The following L2HGDH variants were observed in gnomAD, a reference collection of about 807,000 sequenced individuals.
The protein encoded by L2HGDH is L-2-hydroxyglutarate dehydrogenase, mitochondrial.
L2HGDH carries 34 observed loss-of-function variants against 51.5 expected under a neutral mutation model. The ratio of observed to expected loss-of-function variants is 0.66; its 90% CI spans 0.50 to 0.88. The LOEUF is 0.88. Ranked by LOEUF, L2HGDH falls within the 40% of genes least tolerant of loss-of-function variation. The probability of loss-of-function intolerance (pLI) is 0.00; values close to 1 mark genes in which losing one functional copy is unlikely to be tolerated. For synonymous variants in L2HGDH, 198 were observed against 197.9 expected, an observed-to-expected ratio of 1.00 and a Z score of -0.01; for missense variants, 558 against 571.9, an observed-to-expected ratio of 0.98 and a Z score of 0.25.
intron 8 of L2HGDH, 65 bp downstream of exon 8, chr14:50,267,688 A>C (rs1889423114): frequency 1.0e-5 from 13 of 1,272,688 alleles, no homozygotes; most frequent in Non-Finnish European, 1.1e-6. Flanking sequence ...GTATCAAGAA[A>C]GACAAAACTT....
intron 9 of L2HGDH, among the ~76,000 whole-genome samples, chr14:50,260,299 A>T (rs954703514): frequency 2.6e-5 from 4 of 152,160 alleles, no homozygotes; most frequent in Non-Finnish European, 5.9e-5. Context: ...TCTGAGTTCC[A>T]ACTTTCTACC....
At chr14:50,270,639 C>T (rs1334649600) in intron 6 of L2HGDH, among the ~76,000 whole-genome samples, 6 of 152,114 alleles carry the variant, frequency 3.9e-5, no homozygotes, top group African/African-American at 1.2e-4. Flanking sequence ...TCCGAGTAGC[C>T]GGAACTACAG....
intron 9 of L2HGDH, among the ~76,000 whole-genome samples, chr14:50,252,015 T>C (rs996956863): frequency 1.3e-5 from 2 of 151,036 alleles, no homozygotes; most frequent in African/African-American, 2.4e-5. Flanking sequence ...TCATCTTACA[T>C]AGAAAGATTA....
In L2HGDH at chr14:50,247,034, T is replaced by C; in HGVS notation, c.*24A>G. The C allele has an allele frequency of 6.2e-7, 1 of 1,608,594 alleles. No homozygotes were observed. Among genetic ancestry groups the C allele is most frequent in the Non-Finnish European group, 8.5e-7 (1 of 1,176,538 alleles). On this transcript the variant is annotated 3_prime_UTR_variant, in exon 10 of 10. Transcript: ENST00000267436. ...CTTGTTGCTGACATGAAGATTACAG[T>C]GCATACCTAGCTCCTTTCATTATTT... is the stretch of plus-strand genomic sequence containing the variant.
intron 1 of L2HGDH, among the ~76,000 whole-genome samples, chr14:50,304,818 G>A (rs1008136996): frequency 5.9e-5 from 9 of 152,096 alleles, no homozygotes; most frequent in African/African-American, 2.2e-4. Flanking sequence ...CTGGGCGACA[G>A]AGCGAGACTC....
chr14:50,282,518 T>C (rs1890329293), intron 5 of L2HGDH: 1 of 456,026 alleles, frequency 2.2e-6, no homozygotes, highest in Non-Finnish European at 4.4e-6. Context: ...GTGGGGAACA[T>C]AGTGTGGGTC....
chr14:50,254,555 A>T (rs554999946), intron 9 of L2HGDH, among the ~76,000 whole-genome samples: 1 of 151,762 alleles, frequency 6.6e-6, no homozygotes, highest in Non-Finnish European at 1.5e-5. Flanking sequence ...CCAATGTAAA[A>T]CTCTGCTGTA....
At chr14:50,286,066 A>G (rs372487324) in intron 4 of L2HGDH, among the ~76,000 whole-genome samples, 10 of 152,174 alleles carry the variant, frequency 6.6e-5, no homozygotes, top group African/African-American at 2.4e-4. Flanking sequence ...GAGGTTGGGC[A>G]TGAACTGTCC....
chr14:50,303,700 C>T lies in L2HGDH; in HGVS notation c.141-683G>A, dbSNP rs139179652. On this transcript the variant is annotated intron_variant, in intron 1 of 9. Coordinates refer to ENST00000267436, the MANE Select transcript of L2HGDH (RefSeq NM_024884.3). The stretch of plus-strand genomic sequence containing the variant: ...GCTAAGGCTGGAGAATCGCTTGAAC[C>T]TGGGAGGCGGAGGTTGCAATGAGCC... Among the ~76,000 whole-genome samples, 122 of 149,862 alleles carry T rather than the reference C, an allele frequency of 8.1e-4. 1 individual carries two copies. Among genetic ancestry groups the T allele is most frequent in the African/African-American group, 2.9e-3 (119 of 40,474 alleles).
rs760021942 is a variant in L2HGDH, at chr14:50,243,664, TATATATA to T, written c.*3387_*3393del. The T allele has an allele frequency of 8.9e-6, 1 of 112,122 alleles. No individual in the cohort carries two copies. The highest frequency in any genetic ancestry group is 1.5e-5 in the Non-Finnish European group (1 of 67,954). 6.9% of individuals were successfully genotyped at this position (112,122 alleles called of 1,614,324 possible). A position where few individuals can be genotyped will look rare whatever the true frequency, so the allele number is the denominator to read the frequency against. On this transcript the variant is annotated 3_prime_UTR_variant, in exon 10 of 10. Coordinates refer to ENST00000267436, the MANE Select transcript of L2HGDH (RefSeq NM_024884.3). The stretch of plus-strand genomic sequence containing the variant: ...TTCATTTTTATTTTTCAGGGTATTT[TATATATA>T]TATATATATATATATTGTTTATTAT...
intron 1 of L2HGDH, among the ~76,000 whole-genome samples, chr14:50,308,139 C>G (rs1453714691): frequency 6.6e-6 from 1 of 152,180 alleles, no homozygotes; most frequent in Non-Finnish European, 1.5e-5. Flanking sequence ...GCCTTTAATC[C>G]CAGCACTTTG....
At position 50,243,090 on chromosome 14, in the gene L2HGDH, G is replaced by T. The variant is rs1053821142; in HGVS notation, c.*3968C>A. 1 of 985,264 alleles carries T rather than the reference G, an allele frequency of 1.0e-6. No individual in the cohort carries two copies. Among genetic ancestry groups the T allele is most frequent in the African/African-American group, 1.7e-5 (1 of 57,218 alleles). The allele number at this position is 985,264 out of a possible 1,614,324, so 61.0% of individuals were successfully genotyped here. ...CAGGCTACTAGGTAGATTTCCAAATGGCCTCAGGGAAAGTGGAATTCTGCC... is the reference window on the plus strand; with the variant it reads ...CAGGCTACTAGGTAGATTTCCAAATTGCCTCAGGGAAAGTGGAATTCTGCC... On this transcript the variant is annotated 3_prime_UTR_variant, in exon 10 of 10. Coordinates refer to ENST00000267436, the MANE Select transcript of L2HGDH (RefSeq NM_024884.3).
intron 9 of L2HGDH, among the ~76,000 whole-genome samples, chr14:50,254,795 T>C (rs957926652): frequency 6.6e-6 from 1 of 151,838 alleles, no homozygotes; most frequent in Admixed American, 6.6e-5. Flanking sequence ...TCCTAGAACT[T>C]TGGGAGGCCA....
intron 1 of L2HGDH, among the ~76,000 whole-genome samples, chr14:50,304,949 G>A (rs1214669684): frequency 6.6e-6 from 1 of 152,186 alleles, no homozygotes; most frequent in Non-Finnish European, 1.5e-5. Context: ...TATAGGAACT[G>A]TAGACAGAGG....
At chr14:50,281,175 T>C (rs1248279194) in intron 5 of L2HGDH, among the ~76,000 whole-genome samples, 1 of 152,204 alleles carries the variant, frequency 6.6e-6, no homozygotes, top group Non-Finnish European at 1.5e-5. Flanking sequence ...ATGGTATGTG[T>C]TCCTTAGGAG....
At chr14:50,299,318 C>G (rs1045094403) in intron 3 of L2HGDH, among the ~76,000 whole-genome samples, 5 of 152,180 alleles carry the variant, frequency 3.3e-5, no homozygotes, top group East Asian at 1.9e-4. Context: ...GCAATAAGAT[C>G]GAAGCCATAA....
chr14:50,268,432 T>A (rs1889475520), intron 7 of L2HGDH, among the ~76,000 whole-genome samples: 1 of 151,018 alleles, frequency 6.6e-6, no homozygotes, highest in Non-Finnish European at 1.5e-5. Flanking sequence ...ACTAATAGAT[T>A]GTTCCATCTA....
chr14:50,259,983 GAC>G (rs916935176), intron 9 of L2HGDH, among the ~76,000 whole-genome samples: 7 of 118,298 alleles, frequency 5.9e-5, no homozygotes, highest in African/African-American at 3.9e-5. Context: ...GAGAGAAGAA[GAC>G]AGAGAGAGAG....
At chr14:50,255,477 G>A (rs553370637) in intron 9 of L2HGDH, among the ~76,000 whole-genome samples, 2 of 149,694 alleles carry the variant, frequency 1.3e-5, no homozygotes, top group African/African-American at 2.4e-5. Context: ...TGGAGGTTGC[G>A]GTGAGCCAAG....
Sources: gnomAD v4.1 joint callset for allele counts (sites outside exome capture counted in the v4.1 genomes callset) on GRCh38, gnomAD v4.1.1 for gene constraint, MANE v1.5 for transcripts, NCBI Gene and HGNC (gene_info 2026-07-23, HGNC 2026-07-21) for gene names.